The following ZNF69 variants were observed in gnomAD, a reference collection of about 807,000 sequenced individuals.
ZNF69 encodes the protein zinc finger protein 69.
A neutral mutation model predicts 50.9 loss-of-function variants in ZNF69; 47 were observed. The ratio of observed to expected loss-of-function variants is 0.92; its 90% CI spans 0.73 to 1.18. The LOEUF is 1.18. Ranked by LOEUF, ZNF69 falls within the 50% of genes most tolerant of loss-of-function variation. The probability of loss-of-function intolerance (pLI) is 0.00; values close to 1 mark genes in which losing one functional copy is unlikely to be tolerated. For missense variants in ZNF69, 717 were observed against 675.1 expected (o/e 1.06, Z -0.69); for synonymous variants, 216 against 223.1 (o/e 0.97, Z 0.29).
At position 11,903,641 on chromosome 19, in the gene ZNF69, C is replaced by T. The variant is rs141098545; in HGVS notation, c.132C>T (p.Ser44=). Reference sequence around the variant, plus strand: ...AGGAGTGGGCTTTGCTGGATATTTCCCAGAGGAAACTCTACAAGGAAGTGA... The same window carrying T: ...AGGAGTGGGCTTTGCTGGATATTTCTCAGAGGAAACTCTACAAGGAAGTGA... ...TQEEWALLDI[S]QRKLYKEVML... is the part of the protein sequence containing the mutation. Residue 44 remains serine (S), a synonymous_variant, in exon 2 of 4, where the codon TCC becomes TCT. Coordinates refer to ENST00000429654, the MANE Select transcript of ZNF69 (RefSeq NM_001364730.1). The T allele has an allele frequency of 2.5e-6, 4 of 1,613,924 alleles. No homozygotes were observed. The African/African-American group carries it at 5.3e-5, about 22-fold the overall frequency.
At chr19:11,921,191 A>G in the ZNF69 span, among the ~76,000 whole-genome samples, 1 of 151,950 alleles carries the variant, frequency 6.6e-6, no homozygotes, top group African/African-American at 2.4e-5. Context: ...TTTTTCTTTA[A>G]GAAACATAGT....
chr19:11,909,193 C>T (rs1972422187), downstream of ZNF69, among the ~76,000 whole-genome samples: 1 of 151,946 alleles, frequency 6.6e-6, no homozygotes, highest in African/African-American at 2.4e-5. Flanking sequence ...GACTACCAAC[C>T]AAAAAAAGTC....
chr19:11,979,413 A>G, the ZNF69 span: 2 of 1,604,476 alleles, frequency 1.2e-6, no homozygotes, highest in Non-Finnish European at 1.7e-6. Context: ...CAAATTCATG[A>G]AAGGACACAA....
At chr19:11,930,187 TCA>T in the ZNF69 span, among the ~76,000 whole-genome samples, 1 of 148,476 alleles carries the variant, frequency 6.7e-6, no homozygotes, top group Non-Finnish European at 1.5e-5. Context: ...TCTCCTAACT[TCA>T]GTTTCCATTA....
chr19:11,896,052 A>T (rs1417296910), intron 1 of ZNF69, among the ~76,000 whole-genome samples: 2 of 151,706 alleles, frequency 1.3e-5, no homozygotes, highest in Non-Finnish European at 2.9e-5. Flanking sequence ...AAACCCTGTC[A>T]CTACTAAAAG....
At chr19:11,918,571 G>A (rs1484495264), downstream of ZNF69, among the ~76,000 whole-genome samples, 1 of 151,882 alleles carries the variant, frequency 6.6e-6, no homozygotes, top group East Asian at 1.9e-4. Context: ...GCAGCATCAA[G>A]CTCCTGGGCT....
At chr19:11,898,907 C>A (rs1024422004) in intron 1 of ZNF69, among the ~76,000 whole-genome samples, 12 of 152,212 alleles carry the variant, frequency 7.9e-5, no homozygotes, top group Non-Finnish European at 1.6e-4. Flanking sequence ...TATGCAAGAA[C>A]ATATTACATG....
chr19:11,946,914 C>T, the ZNF69 span: 9 of 493,146 alleles, frequency 1.8e-5, no homozygotes, highest in Non-Finnish European at 2.8e-5. Flanking sequence ...GCAGGAGAAT[C>T]GCTTGAACCC....
At chr19:11,891,705 T>C (rs1376681996) in intron 1 of ZNF69, among the ~76,000 whole-genome samples, 2 of 152,172 alleles carry the variant, frequency 1.3e-5, no homozygotes, top group African/African-American at 4.8e-5. Context: ...CATATTGTTA[T>C]GGGTATTGGG....
At chr19:11,922,644 C>T in the ZNF69 span, among the ~76,000 whole-genome samples, 132 of 129,548 alleles carry the variant, frequency 1.0e-3, no homozygotes, top group Admixed American at 3.8e-3. Flanking sequence ...CACCAGGGGC[C>T]TTTTCCATTG....
the ZNF69 span, among the ~76,000 whole-genome samples, chr19:11,975,466 C>T: frequency 1.3e-5 from 2 of 150,634 alleles, no homozygotes; most frequent in East Asian, 2.0e-4. Flanking sequence ...GGCGCAATCT[C>T]GGCTCACTGC....
the ZNF69 span, among the ~76,000 whole-genome samples, chr19:11,967,722 AAAG>A: frequency 1.3e-5 from 2 of 152,282 alleles, no homozygotes; most frequent in East Asian, 3.9e-4. Flanking sequence ...ATTTTTAAAA[AAAG>A]AAAAAAGAAA....
chr19:11,947,695 A>G, the ZNF69 span: 1,270 of 1,036,106 alleles, frequency 1.2e-3, 19 homozygotes, highest in South Asian at 0.018. Flanking sequence ...TTCTTAGAAT[A>G]TTTTCTCAAA....
the ZNF69 span, among the ~76,000 whole-genome samples, chr19:11,959,334 A>G: frequency 6.6e-6 from 1 of 152,200 alleles, no homozygotes; most frequent in African/African-American, 2.4e-5. Flanking sequence ...CAATATGAAT[A>G]CTCAGACACA....
At chr19:11,954,975 T>C in the ZNF69 span, among the ~76,000 whole-genome samples, 3 of 150,948 alleles carry the variant, frequency 2.0e-5, no homozygotes, top group South Asian at 4.2e-4. Context: ...ATTTGTCTTA[T>C]ATAGAGTTTG....
chr19:11,979,520 A>G, the ZNF69 span: 1 of 1,601,686 alleles, frequency 6.2e-7, no homozygotes, highest in Non-Finnish European at 8.5e-7. Flanking sequence ...ACATGAAAAA[A>G]CTCACACTGC....
rs999935116 is a variant in ZNF69 at position 11,904,957 on chromosome 19, C to G, written c.560C>G (p.Thr187Ser). 6 of 1,614,056 alleles carry G rather than the reference C, an allele frequency of 3.7e-6. No individual in the cohort carries two copies. The highest frequency in any genetic ancestry group is 5.1e-6 in the Non-Finnish European group (6 of 1,180,032). ...PSFRTPQRDH[T>S]GEKPYACKEC... ...TTTAGAACACCACAAAGGGATCACA[C>G]TGGAGAGAAACCCTATGCTTGTAAA... The change falls in exon 4 of 4, where the codon ACT (threonine) becomes AGT (serine). Residue 187 changes from threonine to serine, a missense_variant. Physicochemically the swap from Thr to Ser is moderately conservative, Grantham distance 58. Transcript: ENST00000429654.
the ZNF69 span, chr19:11,947,717 T>A: frequency 1.3e-5 from 11 of 863,540 alleles, no homozygotes; most frequent in Non-Finnish European, 2.0e-5. Context: ...AACATATATT[T>A]AAACGTGACT....
At chr19:11,960,607 T>G in the ZNF69 span, among the ~76,000 whole-genome samples, 64 of 152,098 alleles carry the variant, frequency 4.2e-4, no homozygotes, top group Non-Finnish European at 7.3e-5. Context: ...AGCGGTTTTT[T>G]TTTTTTTTTA....
Sources: gnomAD v4.1 joint callset for allele counts (sites outside exome capture counted in the v4.1 genomes callset) on GRCh38, gnomAD v4.1.1 for gene constraint, MANE v1.5 for transcripts, NCBI Gene and HGNC (gene_info 2026-07-23, HGNC 2026-07-21) for gene names.